STARD13: variants seen among roughly 807,000 people sequenced by gnomAD.
STARD13 encodes StAR related lipid transfer domain containing 13, also known as stAR-related lipid transfer protein 13.
Under a neutral mutation model 106.4 loss-of-function variants are expected in STARD13, and 62 were observed. The observed-to-expected ratio is 0.58, with a 90% CI of 0.48 to 0.72. The LOEUF is 0.72. STARD13 is among the 30% of genes least tolerant of loss of function. The pLI, the probability that STARD13 is intolerant of heterozygous loss-of-function variation, is 0.00. For missense variants in STARD13, 1,387 were observed against 1,424.0 expected (o/e 0.97, Z 0.42); for synonymous variants, 565 against 553.0 (o/e 1.02, Z -0.31).
chr13:33,537,323 C>T, the STARD13 span, among the ~76,000 whole-genome samples: 1 of 152,230 alleles, frequency 6.6e-6, no homozygotes, highest in Non-Finnish European at 1.5e-5. Flanking sequence ...ACTGCTGCTA[C>T]GCAGACAAGT....
chr13:33,472,808 C>T, the STARD13 span, among the ~76,000 whole-genome samples: 1 of 152,148 alleles, frequency 6.6e-6, no homozygotes, highest in African/African-American at 2.4e-5. Context: ...GTGTGTTCTC[C>T]ATAGGCCTGA....
the STARD13 span, among the ~76,000 whole-genome samples, chr13:33,390,154 T>C: frequency 1.2e-4 from 19 of 152,278 alleles, no homozygotes; most frequent in African/African-American, 4.6e-4. Flanking sequence ...AGTATGTCTT[T>C]AGTACTTACT....
chr13:33,151,419 G>A (rs115767648), intron 3 of STARD13, among the ~76,000 whole-genome samples: 1,679 of 152,088 alleles, frequency 0.011, 30 homozygotes, highest in African/African-American at 0.038. Flanking sequence ...AAAAGGGGAA[G>A]GTTCCAGGCT....
chr13:33,222,160 G>A (rs1328709314), intron 1 of STARD13, among the ~76,000 whole-genome samples: 2 of 151,962 alleles, frequency 1.3e-5, no homozygotes, highest in African/African-American at 4.8e-5. Context: ...AAAAAAAAGG[G>A]GCATTCTGAC....
At chr13:33,542,580 A>G in the STARD13 span, among the ~76,000 whole-genome samples, 1 of 152,030 alleles carries the variant, frequency 6.6e-6, no homozygotes, top group Non-Finnish European at 1.5e-5. Context: ...TCCCACCAAG[A>G]CGAGGCGCGC....
rs114246782 is a variant in STARD13, at chr13:33,320,536, T to C, written c.124+29754A>G. ...CATTTGAAATTCTTCTGAAGATGAC[T>C]CCTATGTTTTCAGTCCTCCTCTCAG... On this transcript the variant is annotated intron_variant, in intron 1 of 5. Transcript: ENST00000567873. Among the ~76,000 whole-genome samples, 731 of 152,354 alleles carry C rather than the reference T, an allele frequency of 4.8e-3. 6 individuals are homozygous for C. Among genetic ancestry groups the C allele is most frequent in the African/African-American group, 0.016 (684 of 41,582 alleles).
At chr13:33,530,021 A>C in the STARD13 span, among the ~76,000 whole-genome samples, 1 of 152,072 alleles carries the variant, frequency 6.6e-6, no homozygotes, top group East Asian at 1.9e-4. Flanking sequence ...AAAGATAAGG[A>C]GCCTACATAA....
chr13:33,425,145 A>T, the STARD13 span, among the ~76,000 whole-genome samples: 5 of 152,232 alleles, frequency 3.3e-5, no homozygotes, highest in East Asian at 1.9e-4. Context: ...AGGGAAAACC[A>T]TTCAAATGGT....
upstream of STARD13, chr13:33,355,461 C>T (rs1240785105): frequency 6.6e-6 from 1 of 152,192 alleles, no homozygotes; most frequent in African/African-American, 2.4e-5. Flanking sequence ...TTGCCAAGAA[C>T]CCATAGTCAT....
chr13:33,565,417 A>T, the STARD13 span, among the ~76,000 whole-genome samples: 12 of 148,218 alleles, frequency 8.1e-5, 2 homozygotes, highest in Non-Finnish European at 1.8e-4. Context: ...GAATATATCA[A>T]ATTATCACAT....
chr13:33,205,941 C>T lies in STARD13; in HGVS notation c.170-38319G>A, dbSNP rs887028745. On this transcript the variant is annotated intron_variant, in intron 1 of 13. Transcript: ENST00000336934. Reference sequence around the variant, plus strand: ...AACTGACAGATGGTGCATCTGTCACCGAGTGTTTTCTCTTCGTTATCTCTG... The same window carrying T: ...AACTGACAGATGGTGCATCTGTCACTGAGTGTTTTCTCTTCGTTATCTCTG... 13 of 985,222 alleles carry T rather than the reference C, an allele frequency of 1.3e-5. No individual in the cohort carries two copies. In the African/African-American group the frequency reaches 1.9e-4, roughly 15 times the overall value. 61.0% of individuals were successfully genotyped at this position (985,222 alleles called of 1,614,324 possible).
intron 1 of STARD13, among the ~76,000 whole-genome samples, chr13:33,234,018 C>G (rs918439841): frequency 1.3e-5 from 2 of 152,178 alleles, no homozygotes; most frequent in African/African-American, 4.8e-5. Flanking sequence ...TGCACCAGGC[C>G]CTCACTGTCC....
chr13:33,358,250 C>T, the STARD13 span, among the ~76,000 whole-genome samples: 2,074 of 152,334 alleles, frequency 0.014, 42 homozygotes, highest in African/African-American at 0.042. Context: ...GCCCGCCATG[C>T]CTGAGCCTCC....
At chr13:33,353,554 C>G (rs564258737), upstream of STARD13, among the ~76,000 whole-genome samples, 1 of 152,314 alleles carries the variant, frequency 6.6e-6, no homozygotes, top group African/African-American at 2.4e-5. Context: ...TGGCTAAAGG[C>G]AGTGTCCCAT....
At chr13:33,595,171 G>A in the STARD13 span, among the ~76,000 whole-genome samples, 1 of 152,198 alleles carries the variant, frequency 6.6e-6, no homozygotes, top group Non-Finnish European at 1.5e-5. Context: ...GGAGGTAACA[G>A]TAAAATGATT....
At chr13:33,267,179 G>A (rs1890936956) in intron 1 of STARD13, among the ~76,000 whole-genome samples, 1 of 152,122 alleles carries the variant, frequency 6.6e-6, no homozygotes, top group Admixed American at 6.5e-5. Flanking sequence ...TTCACAAAAG[G>A]GAGAGGGTTC....
the STARD13 span, among the ~76,000 whole-genome samples, chr13:33,415,455 T>A: frequency 1.3e-5 from 2 of 152,252 alleles, no homozygotes; most frequent in Non-Finnish European, 2.9e-5. Flanking sequence ...GATTAACTTA[T>A]AATTTATATA....
At chr13:33,675,985 A>T in the STARD13 span, among the ~76,000 whole-genome samples, 11,799 of 152,210 alleles carry the variant, frequency 0.078, 918 homozygotes, top group East Asian at 0.25. Context: ...TTTGTTAACA[A>T]CATTAGACAA....
chr13:33,259,996 C>CA (rs35410044), intron 1 of STARD13, among the ~76,000 whole-genome samples: 1,924 of 101,388 alleles, frequency 0.019, 20 homozygotes, highest in African/African-American at 0.052. Context: ...ATTCCATCTC[C>CA]AAAAAAAAAA....
Sources: gnomAD v4.1 joint callset for allele counts (sites outside exome capture counted in the v4.1 genomes callset) on GRCh38, gnomAD v4.1.1 for gene constraint, MANE v1.5 for transcripts, NCBI Gene and HGNC (gene_info 2026-07-23, HGNC 2026-07-21) for gene names.